The following SYT16 variants were observed in gnomAD, a reference collection of about 807,000 sequenced individuals.
The protein encoded by SYT16 is synaptotagmin 16, also known as synaptotagmin-16.
SYT16 carries 42 observed loss-of-function variants against 61.4 expected under a neutral mutation model. The ratio of observed to expected loss-of-function variants is 0.68; its 90% CI spans 0.53 to 0.89. The LOEUF (loss-of-function observed/expected upper bound fraction) is 0.89. Among genes scored for constraint, SYT16 ranks in the 40% least tolerant of loss-of-function variants. The pLI, the probability that SYT16 is intolerant of heterozygous loss-of-function variation, is 0.00. For synonymous variants in SYT16, 314 were observed against 302.3 expected (o/e 1.04, Z -0.40); for missense variants, 804 against 807.3 (o/e 1.00, Z 0.05).
At chr14:62,090,689 A>G (rs1295621846) in intron 7 of SYT16, among the ~76,000 whole-genome samples, 1 of 152,198 alleles carries the variant, frequency 6.6e-6, no homozygotes, top group East Asian at 1.9e-4. Flanking sequence ...ATCAAAGTTA[A>G]AAAATATTAA....
At chr14:61,913,947 A>G (rs1947015262) in intron 1 of SYT16, among the ~76,000 whole-genome samples, 1 of 152,172 alleles carries the variant, frequency 6.6e-6, no homozygotes, top group African/African-American at 2.4e-5. Flanking sequence ...TTTACTGGCC[A>G]GTCTCACATT....
At chr14:62,022,484 A>T (rs1323590125) in intron 3 of SYT16, among the ~76,000 whole-genome samples, 1 of 151,994 alleles carries the variant, frequency 6.6e-6, no homozygotes, top group African/African-American at 2.4e-5. Context: ...ACCATGATGT[A>T]TTTAGGTGTG....
chr14:61,995,343 G>A (rs139225753), intron 2 of SYT16, among the ~76,000 whole-genome samples: 2 of 152,192 alleles, frequency 1.3e-5, no homozygotes, highest in East Asian at 1.9e-4. Flanking sequence ...GTTTTTCAGC[G>A]ATTGCTCCCC....
chr14:61,927,676 C>G (rs1039785797), intron 1 of SYT16, among the ~76,000 whole-genome samples: 1 of 152,206 alleles, frequency 6.6e-6, no homozygotes, highest in South Asian at 2.1e-4. Flanking sequence ...TCTACCTCCT[C>G]GTTAGCAAAC....
intron 7 of SYT16, among the ~76,000 whole-genome samples, chr14:62,086,350 C>T (rs2056885442): frequency 6.6e-6 from 1 of 152,014 alleles, no homozygotes. Flanking sequence ...CTTGGTGGTG[C>T]ACGCCTGTAA....
chr14:62,068,036 A>G lies in SYT16; in HGVS notation c.524-1567A>G, dbSNP rs150591634. On this transcript the variant is annotated intron_variant, in intron 3 of 7. Coordinates refer to ENST00000683842, the MANE Select transcript of SYT16 (RefSeq NM_001367656.1). ...ATACTACTATATGATCCACAAGTCC[A>G]TCTTCTGGGTATATACCTAAAGGAG... is the stretch of plus-strand genomic sequence containing the variant. Among the ~76,000 whole-genome samples the G allele has an allele frequency of 7.9e-5, 12 of 152,220 alleles. No individual in the cohort carries two copies. In the East Asian group the frequency reaches 1.9e-3, roughly 25 times the overall value.
intron 1 of SYT16, among the ~76,000 whole-genome samples, chr14:61,838,721 T>C (rs1358833164): frequency 6.6e-6 from 1 of 152,038 alleles, no homozygotes; most frequent in Non-Finnish European, 1.5e-5. Flanking sequence ...AAAAATGGAG[T>C]GTGACTCTTG....
At chr14:62,026,262 A>G (rs1261459867) in intron 3 of SYT16, among the ~76,000 whole-genome samples, 1 of 152,162 alleles carries the variant, frequency 6.6e-6, no homozygotes, top group Non-Finnish European at 1.5e-5. Flanking sequence ...AACTGTTGCA[A>G]TTACCCATTT....
rs369281542 is a variant in SYT16, at chr14:61,939,651, A to G, written c.-324-30481A>G. ...GATCTGGGCCCACTTTTAAGCCCTC[A>G]TTTTATCTTCTCTCTAAAGACCTTA... is the stretch of plus-strand genomic sequence containing the variant. On this transcript the variant is annotated intron_variant, in intron 1 of 7. Coordinates refer to ENST00000683842, the MANE Select transcript of SYT16 (RefSeq NM_001367656.1). 5.3e-5 allele frequency among the ~76,000 whole-genome samples: 8 copies of G among 152,216 alleles called. No homozygotes were observed. In the East Asian group the frequency reaches 1.4e-3, roughly 26 times the overall value.
chr14:62,090,437 G>C (rs1486072843), intron 7 of SYT16, among the ~76,000 whole-genome samples: 1 of 152,140 alleles, frequency 6.6e-6, no homozygotes, highest in Non-Finnish European at 1.5e-5. Flanking sequence ...AAGAACAAGT[G>C]GGATTCAGAA....
intron 3 of SYT16, among the ~76,000 whole-genome samples, chr14:62,011,417 TAAG>T (rs990520194): frequency 1.4e-4 from 22 of 152,096 alleles, no homozygotes; most frequent in African/African-American, 4.8e-4. Flanking sequence ...TTTCTGGCAA[TAAG>T]AAGAAAATCC....
rs71449574 is a variant in SYT16 at position 62,011,912 on chromosome 14, TAC to T, written c.523+15384_523+15385del. 6.6e-3 allele frequency among the ~76,000 whole-genome samples: 551 copies of T among 83,506 alleles called. 27 individuals are homozygous for T. Among genetic ancestry groups the T allele is most frequent in the South Asian group, 0.065 (162 of 2,502 alleles). 54.8% of individuals were successfully genotyped at this position (83,506 alleles called of 152,430 possible). A position where few individuals can be genotyped will look rare whatever the true frequency, so the allele number is the denominator to read the frequency against. On this transcript the variant is annotated intron_variant, in intron 3 of 7. Transcript: ENST00000683842. ...ACACACACACACACACACATATATATACACACACACACACATATATATATATA... is the reference window on the plus strand; with the variant it reads ...ACACACACACACACACACATATATATACACACACACACATATATATATATA...
At chr14:61,943,108 A>C (rs776755011) in intron 1 of SYT16, among the ~76,000 whole-genome samples, 2 of 152,246 alleles carry the variant, frequency 1.3e-5, no homozygotes, top group Non-Finnish European at 2.9e-5. Context: ...AAACACCCCT[A>C]CACAAATAAA....
At chr14:61,874,476 A>C (rs950695745) in intron 1 of SYT16, among the ~76,000 whole-genome samples, 9 of 152,224 alleles carry the variant, frequency 5.9e-5, no homozygotes, top group African/African-American at 1.7e-4. Flanking sequence ...CCTTGTGTAT[A>C]CCGAGGAACA....
intron 1 of SYT16, among the ~76,000 whole-genome samples, chr14:61,886,807 AGGTTTTAATAT>A (rs1292919919): frequency 6.6e-6 from 1 of 151,520 alleles, no homozygotes; most frequent in African/African-American, 2.4e-5. Context: ...CCTTTCCAGA[AGGTTTTAATAT>A]GGTAGCAGTA....
At chr14:62,048,690 T>C (rs528585725) in intron 3 of SYT16, among the ~76,000 whole-genome samples, 20 of 152,340 alleles carry the variant, frequency 1.3e-4, no homozygotes, top group African/African-American at 4.3e-4. Context: ...TTGTTCTTGT[T>C]GGTTTCAAAG....
intron 1 of SYT16, among the ~76,000 whole-genome samples, chr14:61,889,612 C>T (rs2048044272): frequency 6.6e-6 from 1 of 151,706 alleles, no homozygotes; most frequent in Non-Finnish European, 1.5e-5. Flanking sequence ...CTCTGTCTCC[C>T]TCCCTCTCTC....
chr14:61,959,933 T>A (rs554669029), intron 1 of SYT16, among the ~76,000 whole-genome samples: 1 of 152,150 alleles, frequency 6.6e-6, no homozygotes, highest in East Asian at 1.9e-4. Context: ...TAGGCTCAAG[T>A]GATCCTCCCA....
chr14:62,019,246 A>T (rs551864346), intron 3 of SYT16, among the ~76,000 whole-genome samples: 1 of 152,366 alleles, frequency 6.6e-6, no homozygotes, highest in Non-Finnish European at 1.5e-5. Context: ...CATCTAGCAG[A>T]ATTAGAATGC....
Sources: allele counts gnomAD v4.1 joint callset (sites outside exome capture counted in the v4.1 genomes callset), GRCh38; gene constraint gnomAD v4.1.1; transcripts MANE v1.5; gene names NCBI Gene and HGNC (gene_info 2026-07-23, HGNC 2026-07-21).